Variants in CSMD3 observed in about 807,000 individuals in gnomAD.
CSMD3 encodes the protein CUB and sushi domain-containing protein 3.
A neutral mutation model predicts 435.2 loss-of-function variants in CSMD3; 177 were observed. That is an observed-to-expected ratio of 0.41 (90% CI 0.36 to 0.46). The LOEUF is 0.46. Ranked by LOEUF, CSMD3 falls within the 20% of genes least tolerant of loss-of-function variation. The pLI is 0.34. For missense variants in CSMD3, 4,265 were observed against 4,504.6 expected (o/e 0.95, Z 1.52); for synonymous variants, 1,656 against 1,520.5 (o/e 1.09, Z -2.07).
intron 18 of CSMD3, 45 bp from the exon 19 acceptor site, chr8:112,650,394 T>G: frequency 6.8e-7 from 1 of 1,466,430 alleles, no homozygotes; most frequent in South Asian, 1.1e-5. Context: ...TTGGTGGGAT[T>G]TGGAGTTGCT....
intron 24 of CSMD3, among the ~76,000 whole-genome samples, chr8:112,559,072 G>A (rs1412372527): frequency 3.3e-5 from 5 of 151,760 alleles, no homozygotes. Context: ...TGTTTCTACA[G>A]GGTTGGGGCT....
intron 6 of CSMD3, among the ~76,000 whole-genome samples, chr8:112,997,743 A>C (rs1247836336): frequency 1.3e-5 from 2 of 151,490 alleles, no homozygotes; most frequent in Non-Finnish European, 3.0e-5. Context: ...TCTCACAATA[A>C]GGTAAACTAC....
At chr8:112,721,090 G>C (rs2076847812) in intron 13 of CSMD3, among the ~76,000 whole-genome samples, 1 of 152,074 alleles carries the variant, frequency 6.6e-6, no homozygotes, top group Admixed American at 6.6e-5. Flanking sequence ...CTCTAGATTA[G>C]AGTTGCTCAG....
At chr8:112,257,959 G>T (rs1272185818) in intron 61 of CSMD3, among the ~76,000 whole-genome samples, 1 of 151,990 alleles carries the variant, frequency 6.6e-6, no homozygotes, top group East Asian at 1.9e-4. Flanking sequence ...CAGAACAGAG[G>T]CCTCAGAAAT....
At chr8:113,254,469 C>T (rs1300862760) in intron 3 of CSMD3, among the ~76,000 whole-genome samples, 1 of 152,142 alleles carries the variant, frequency 6.6e-6, no homozygotes, top group Non-Finnish European at 1.5e-5. Context: ...GTATAGAACC[C>T]ATCTGCATAA....
At chr8:112,982,819 T>C (rs1241760231) in intron 6 of CSMD3, among the ~76,000 whole-genome samples, 2 of 152,004 alleles carry the variant, frequency 1.3e-5, no homozygotes, top group Non-Finnish European at 2.9e-5. Context: ...AAAAGTTTTG[T>C]ATTTAATTAA....
chr8:113,365,010 T>C (rs1051096779), intron 1 of CSMD3, among the ~76,000 whole-genome samples: 7 of 152,104 alleles, frequency 4.6e-5, no homozygotes, highest in Non-Finnish European at 1.0e-4. Flanking sequence ...CTTTTCTTTT[T>C]CATGGAGCAT....
At chr8:112,852,706 A>C (rs992394289) in intron 11 of CSMD3, among the ~76,000 whole-genome samples, 2 of 152,002 alleles carry the variant, frequency 1.3e-5, no homozygotes, top group Non-Finnish European at 2.9e-5. Flanking sequence ...GTGGATCGCG[A>C]GGTCAGGAGA....
At chr8:112,701,458 C>A (rs539118458) in intron 13 of CSMD3, among the ~76,000 whole-genome samples, 26 of 152,094 alleles carry the variant, frequency 1.7e-4, no homozygotes, top group African/African-American at 5.8e-4. Context: ...TCTACTCATG[C>A]CCACACTCTT....
At chr8:112,570,536 A>C (rs981041386) in intron 24 of CSMD3, among the ~76,000 whole-genome samples, 2 of 152,224 alleles carry the variant, frequency 1.3e-5, no homozygotes, top group Non-Finnish European at 2.9e-5. Flanking sequence ...CAAAATAGAA[A>C]GTAGCCTGGG....
chr8:113,313,315 ATTCT>A (rs945379301), intron 2 of CSMD3: 3 of 151,940 alleles, frequency 2.0e-5, no homozygotes, highest in Non-Finnish European at 4.4e-5. Flanking sequence ...ATAAACACTA[ATTCT>A]TTCTTTTTTC....
At chr8:112,778,217 CATT>C (rs1349040420) in intron 13 of CSMD3, among the ~76,000 whole-genome samples, 1 of 151,838 alleles carries the variant, frequency 6.6e-6, no homozygotes, top group Non-Finnish European at 1.5e-5. Flanking sequence ...ACTGACACAT[CATT>C]ATCACCCAAA....
chr8:112,627,040 C>G (rs1834531939), intron 22 of CSMD3, among the ~76,000 whole-genome samples: 1 of 152,040 alleles, frequency 6.6e-6, no homozygotes, highest in African/African-American at 2.4e-5. Context: ...TTTATTATTA[C>G]CTCAGGTAAA....
intron 5 of CSMD3, among the ~76,000 whole-genome samples, chr8:113,088,887 G>A (rs1200717880): frequency 2.6e-5 from 4 of 151,836 alleles, no homozygotes; most frequent in Non-Finnish European, 5.9e-5. Context: ...AAATAAAGAT[G>A]TATACAAACA....
chr8:112,600,724 C>T (rs1832266953), intron 22 of CSMD3, among the ~76,000 whole-genome samples: 1 of 151,748 alleles, frequency 6.6e-6, no homozygotes, highest in African/African-American at 2.4e-5. Context: ...CTCCCTCTGT[C>T]ACCCATGCTG....
At chr8:112,802,654 A>C (rs896756517) in intron 12 of CSMD3, among the ~76,000 whole-genome samples, 2 of 151,802 alleles carry the variant, frequency 1.3e-5, no homozygotes, top group Admixed American at 1.3e-4. Flanking sequence ...TTTATTTTTA[A>C]TCACATTTCC....
At chr8:112,877,106 A>G (rs1488856968) in intron 10 of CSMD3, among the ~76,000 whole-genome samples, 1 of 152,154 alleles carries the variant, frequency 6.6e-6, no homozygotes, top group Non-Finnish European at 1.5e-5. Flanking sequence ...AGGAAATAAG[A>G]GAAGACATAA....
intron 24 of CSMD3, among the ~76,000 whole-genome samples, chr8:112,563,213 A>C (rs1448969619): frequency 6.6e-6 from 1 of 151,816 alleles, no homozygotes; most frequent in Non-Finnish European, 1.5e-5. Context: ...AACAAATTTG[A>C]CACAACATGT....
intron 3 of CSMD3, among the ~76,000 whole-genome samples, chr8:113,190,375 A>G (rs2092566949): frequency 6.6e-6 from 1 of 151,922 alleles, no homozygotes; most frequent in East Asian, 1.9e-4. Flanking sequence ...AAGGAAGGGT[A>G]GTGGAAAGTC....
Sources: gnomAD v4.1 joint callset for allele counts (sites outside exome capture counted in the v4.1 genomes callset) on GRCh38, gnomAD v4.1.1 for gene constraint, MANE v1.5 for transcripts, NCBI Gene and HGNC (gene_info 2026-07-23, HGNC 2026-07-21) for gene names.